CHAD: variants seen among roughly 807,000 people sequenced by gnomAD.
CHAD encodes the protein chondroadherin, also known as cartilage leucine-rich protein.
Under a neutral mutation model 24.0 loss-of-function variants are expected in CHAD, and 18 were observed. That is an observed-to-expected ratio of 0.75 (90% CI 0.52 to 1.11). The LOEUF is 1.11. Among genes scored for constraint, CHAD ranks in the 50% most tolerant of loss-of-function variants. CHAD has a pLI of 0.00. For missense variants in CHAD, 440 were observed against 467.2 expected (o/e 0.94, Z 0.54); for synonymous variants, 195 against 211.6 (o/e 0.92, Z 0.68).
At chr17:50,467,285 C>T (rs776311200) in intron 1 of CHAD, among the ~76,000 whole-genome samples, 2 of 152,306 alleles carry the variant, frequency 1.3e-5, no homozygotes, top group East Asian at 3.9e-4. Context: ...CAGTGAGTCA[C>T]GCCAGTCTTC....
chr17:50,466,973 C>G (rs927826085), intron 1 of CHAD, among the ~76,000 whole-genome samples: 6 of 152,180 alleles, frequency 3.9e-5, no homozygotes, highest in Admixed American at 3.9e-4. Flanking sequence ...TGGCTGCTGC[C>G]CAAGTGAGAT....
chr17:50,465,362 T>C lies in CHAD; in HGVS notation c.1016A>G (p.Asp339Gly), dbSNP rs1345324132. ...PAKFKGQHIRDTDAFRSCKFP... is the reference protein window; with the variant it reads ...PAKFKGQHIRGTDAFRSCKFP... Reference sequence around the variant, plus strand: ...CTTGCAGCTGCGGAAGGCGTCCGTGTCACGGATGTGCTGGCCCTTGAACTT... The same window carrying C: ...CTTGCAGCTGCGGAAGGCGTCCGTGCCACGGATGTGCTGGCCCTTGAACTT... The change falls in exon 3 of 4, where the codon GAC becomes GGC. Residue 339 changes from aspartate to glycine, a missense_variant. Transcript: ENST00000508540. 1 of 1,614,058 alleles carries C rather than the reference T, an allele frequency of 6.2e-7. No individual in the cohort carries two copies. Among genetic ancestry groups the C allele is most frequent in the Admixed American group, 1.7e-5 (1 of 60,010 alleles).
chr17:50,468,203 C>T lies in CHAD; in HGVS notation c.611G>A (p.Arg204Lys). Residue 204 changes from arginine (R) to lysine (K), a missense_variant, in exon 1 of 4, where the codon AGG becomes AAG. Arg to Lys is a conservative substitution (Grantham distance 26, BLOSUM62 2). Coordinates refer to ENST00000508540, the MANE Select transcript of CHAD (RefSeq NM_001267.3). ...VENLAKFHVD[R>K]NQLSSYPSAA... is the part of the protein sequence containing the mutation. ...TGAGGGGTAGCTGGACAGCTGGTTC[C>T]TGTCCACGTGGAATTTGGCGAGGTT... 6.2e-7 allele frequency: 1 copy of T among 1,613,620 alleles called. No individual in the cohort carries two copies. Among genetic ancestry groups the T allele is most frequent in the South Asian group, 1.1e-5 (1 of 91,018 alleles).
intron 1 of CHAD, among the ~76,000 whole-genome samples, chr17:50,466,551 G>T (rs1291059920): frequency 6.6e-6 from 1 of 152,162 alleles, no homozygotes; most frequent in Non-Finnish European, 1.5e-5. Flanking sequence ...GGCTGCCAGA[G>T]TTTGGCCCCA....
Position 50,466,319 on chromosome 17 carries a change from G to C in CHAD, c.775-449C>G, listed in dbSNP as rs143420777. ...TTAGCCAGGATGGTCTCGATCTCCT[G>C]ACCTCGTGATCTACCCGCCTCAGCC... On this transcript the variant is annotated intron_variant, in intron 1 of 3. Transcript: ENST00000508540. Among the ~76,000 whole-genome samples, 329 of 152,102 alleles carry C rather than the reference G, an allele frequency of 2.2e-3. 5 individuals carry two copies. The highest frequency in any genetic ancestry group is 7.4e-3 in the African/African-American group (306 of 41,492).
chr17:50,464,991 G>T lies in CHAD; in HGVS notation c.*63C>A. On this transcript the variant is annotated 3_prime_UTR_variant, in exon 4 of 4. Coordinates refer to ENST00000508540, the MANE Select transcript of CHAD (RefSeq NM_001267.3). ...AGAAGGTATGGGTGGAGGTGAGAAGGTCAGTAGTCTCTCCGGTGGAAGGCA... is the reference window on the plus strand; with the variant it reads ...AGAAGGTATGGGTGGAGGTGAGAAGTTCAGTAGTCTCTCCGGTGGAAGGCA... 1 of 414,086 alleles carries T rather than the reference G, an allele frequency of 2.4e-6. No individual in the cohort carries two copies. The highest frequency in any genetic ancestry group is 4.5e-6 in the Non-Finnish European group (1 of 222,354). 25.7% of individuals were successfully genotyped at this position (414,086 alleles called of 1,614,324 possible).
Position 50,464,573 on chromosome 17 carries a change from C to T in CHAD, c.*481G>A, listed in dbSNP as rs187050319. On this transcript the variant is annotated 3_prime_UTR_variant, in exon 4 of 4. Coordinates refer to ENST00000508540, the MANE Select transcript of CHAD (RefSeq NM_001267.3). ...CATGGGAAGATGGACAGCAAAGCAC[C>T]GATGTCCTGCTAGAACGTCCTGGCA... 345 of 589,290 alleles carry T rather than the reference C, an allele frequency of 5.9e-4. No individual in the cohort carries two copies. The highest frequency in any genetic ancestry group is 8.1e-4 in the Non-Finnish European group (255 of 313,928). 36.5% of individuals were successfully genotyped at this position (589,290 alleles called of 1,614,324 possible).
Position 50,465,814 on chromosome 17 carries a change from G to A in CHAD, c.831C>T (p.Asn277=), listed in dbSNP as rs1044608951. Residue 277 remains asparagine (N), a synonymous_variant, in exon 2 of 4, where the codon AAC becomes AAT. Transcript: ENST00000508540. ...VTTLKHVHLE[N]NRLNQLPSNF... ...TGGAGGGTAGCTGGTTCAAGCGGTTGTTCTCCAAATGGACGTGTTTCAGCG... is the reference window on the plus strand; with the variant it reads ...TGGAGGGTAGCTGGTTCAAGCGGTTATTCTCCAAATGGACGTGTTTCAGCG... 2 of 1,613,762 alleles carry A rather than the reference G, an allele frequency of 1.2e-6. No homozygotes were observed. The highest frequency in any genetic ancestry group is 1.7e-6 in the Non-Finnish European group (2 of 1,179,996).
Position 50,468,038 on chromosome 17 carries a change from A to C in CHAD, c.774+2T>G. ...GGGCAGAGCCCACAGCCAGGAGCTC[A>C]CCTTCTCCAGGTTGGTGTTGTCCAG... On this transcript the variant is annotated splice_donor_variant, in intron 1 of 3. Coordinates refer to ENST00000508540, the MANE Select transcript of CHAD (RefSeq NM_001267.3). LOFTEE classifies it high-confidence loss of function. 6.3e-7 allele frequency: 1 copy of C among 1,577,982 alleles called. No homozygotes were observed. The highest frequency in any genetic ancestry group is 8.6e-7 in the Non-Finnish European group (1 of 1,157,536).
At position 50,466,089 on chromosome 17, in the gene CHAD, T is replaced by C. The variant is rs8080033; in HGVS notation, c.775-219A>G. 3.2e-3 allele frequency among the ~76,000 whole-genome samples: 427 copies of C among 134,412 alleles called. 2 individuals are homozygous for C. The highest frequency in any genetic ancestry group is 0.011 in the African/African-American group (392 of 35,870). The allele number at this position is 134,412 out of a possible 152,430, so 88.2% of individuals were successfully genotyped here. On this transcript the variant is annotated intron_variant, in intron 1 of 3. Coordinates refer to ENST00000508540, the MANE Select transcript of CHAD (RefSeq NM_001267.3). Reference sequence around the variant, plus strand: ...TGTTATTTTCTTTTTTTTTTTTTTTTCCTTTTTTTTTTTTTGAGATGGAGT... The same window carrying C: ...TGTTATTTTCTTTTTTTTTTTTTTTCCCTTTTTTTTTTTTTGAGATGGAGT...
chr17:50,465,956 T>G, intron 1 of CHAD, 86 bp from the exon 2 acceptor site: 2 of 1,457,482 alleles, frequency 1.4e-6, no homozygotes, highest in Non-Finnish European at 1.9e-6. Flanking sequence ...GCAGGATCCT[T>G]CCCTGAACCT....
At chr17:50,465,272 G>A (rs919625906) in intron 3 of CHAD, 22 bp downstream of exon 3, 1 of 1,613,866 alleles carries the variant, frequency 6.2e-7, no homozygotes, top group African/African-American at 1.3e-5. Context: ...GGACATAGGG[G>A]ACCTGTTTAC....
At chr17:50,466,135 G>A (rs1370744801) in intron 1 of CHAD, among the ~76,000 whole-genome samples, 1 of 139,240 alleles carries the variant, frequency 7.2e-6, no homozygotes, top group Non-Finnish European at 1.5e-5. Flanking sequence ...TGCCCAGGCT[G>A]GAGCACAGTG....
In CHAD at chr17:50,468,279, A is replaced by T. The variant is rs1393406572; in HGVS notation, c.535T>A (p.Ser179Thr). 6.2e-7 allele frequency: 1 copy of T among 1,611,424 alleles called. No homozygotes were observed. Among genetic ancestry groups the T allele is most frequent in the Non-Finnish European group, 8.5e-7 (1 of 1,177,910 alleles). Residue 179 changes from serine (S) to threonine (T), a missense_variant, in exon 1 of 4, where the codon TCG (serine) becomes ACG (threonine). Coordinates refer to ENST00000508540, the MANE Select transcript of CHAD (RefSeq NM_001267.3). ...TGCAGGGAGCTCAACGCGTTTTCCG[A>T]CAGGTAGAGCCAGCGCAGGTCCTTG... Reference protein sequence around the residue: ...GAKDLRWLYLSENALSSLQPG... With the variant: ...GAKDLRWLYLTENALSSLQPG...
intron 2 of CHAD, 126 bp downstream of exon 2, chr17:50,465,581 G>A: frequency 6.8e-7 from 1 of 1,461,302 alleles, no homozygotes; most frequent in Non-Finnish European, 9.4e-7. Flanking sequence ...GGAAACTGAG[G>A]CTCCCAGGGT....
At chr17:50,465,128 G>T (rs2143739900) in intron 3 of CHAD, 79 bp from the exon 4 acceptor site, 1 of 709,098 alleles carries the variant, frequency 1.4e-6, no homozygotes, top group East Asian at 2.7e-5. Flanking sequence ...GTCCTGGGCA[G>T]GACCTTTTCC....
intron 1 of CHAD, 114 bp from the exon 2 acceptor site, chr17:50,465,984 G>C (rs2032683948): frequency 8.5e-7 from 1 of 1,180,216 alleles, no homozygotes; most frequent in African/African-American, 1.5e-5. Context: ...AGCACTTTGA[G>C]GAGTTTCCCA....
rs796126022 is a variant in CHAD at position 50,464,776 on chromosome 17, G to GGGT, written c.*277_*278insACC. On this transcript the variant is annotated 3_prime_UTR_variant, in exon 4 of 4. Coordinates refer to ENST00000508540, the MANE Select transcript of CHAD (RefSeq NM_001267.3). Reference sequence around the variant, plus strand: ...TTGTGGTTCTGATTGACTTGGGGGGGGGGTCTCAGCAACAGCTTCTCCAAG... The same window carrying GGGT: ...TTGTGGTTCTGATTGACTTGGGGGGGGGTGGGTCTCAGCAACAGCTTCTCCAAG... 3 of 332,262 alleles carry GGGT rather than the reference G, an allele frequency of 9.0e-6. No homozygotes were observed. The highest frequency in any genetic ancestry group is 1.8e-5 in the Non-Finnish European group (3 of 169,324). 20.6% of individuals were successfully genotyped at this position (332,262 alleles called of 1,614,324 possible). A position where few individuals can be genotyped will look rare whatever the true frequency, so the allele number is the denominator to read the frequency against.
rs1364611777 is a variant in CHAD, at chr17:50,468,242, AGGGCCCCGGGCTGCAG to A, written c.556_571del (p.Leu186TrpfsTer25). On this transcript the variant is annotated frameshift_variant, in exon 1 of 4. Coordinates refer to ENST00000508540, the MANE Select transcript of CHAD (RefSeq NM_001267.3). LOFTEE classifies it high-confidence loss of function. ...TTTGGCGAGGTTCTCCACGTCGTCC[AGGGCCCCGGGCTGCAG>A]GGAGCTCAACGCGTTTTCCGACAGG... 1.2e-6 allele frequency: 2 copies of A among 1,612,278 alleles called. No homozygotes were observed.
Sources: allele counts gnomAD v4.1 joint callset (sites outside exome capture counted in the v4.1 genomes callset), GRCh38; gene constraint gnomAD v4.1.1; transcripts MANE v1.5; gene names NCBI Gene and HGNC (gene_info 2026-07-23, HGNC 2026-07-21).